BRD10: variants seen among roughly 807,000 people sequenced by gnomAD.
BRD10 encodes uncharacterized bromodomain-containing protein 10.
At chr9:5,893,801 T>C in the BRD10 span, among the ~76,000 whole-genome samples, 1 of 152,168 alleles carries the variant, frequency 6.6e-6, no homozygotes, top group African/African-American at 2.4e-5. Context: ...CTGAAGATGT[T>C]GTGCCATCAC....
the BRD10 span, among the ~76,000 whole-genome samples, chr9:5,960,674 T>C: frequency 6.6e-6 from 1 of 152,204 alleles, no homozygotes; most frequent in African/African-American, 2.4e-5. Flanking sequence ...TTTGTAACTG[T>C]TAATGCGTCT....
chr9:5,905,044 A>AT, the BRD10 span, among the ~76,000 whole-genome samples: 6 of 152,158 alleles, frequency 3.9e-5, no homozygotes, highest in African/African-American at 1.4e-4. Flanking sequence ...AAGTGCTGCG[A>AT]TTACAGGTGT....
At chr9:5,988,449 C>A in the BRD10 span, 1 of 1,613,900 alleles carries the variant, frequency 6.2e-7, no homozygotes, top group Non-Finnish European at 8.5e-7. Context: ...GCGGTGTTGA[C>A]CGACGCCTTG....
the BRD10 span, among the ~76,000 whole-genome samples, chr9:5,938,153 G>A: frequency 6.6e-6 from 1 of 151,986 alleles, no homozygotes; most frequent in Non-Finnish European, 1.5e-5. Flanking sequence ...AAAGGACAGG[G>A]GCTAGCCCAA....
chr9:5,986,915 T>C, the BRD10 span, among the ~76,000 whole-genome samples: 1 of 152,222 alleles, frequency 6.6e-6, no homozygotes, highest in Non-Finnish European at 1.5e-5. Context: ...TTCCCCTACC[T>C]GGACTCACCT....
the BRD10 span, among the ~76,000 whole-genome samples, chr9:5,938,480 A>G: frequency 6.6e-6 from 1 of 152,084 alleles, no homozygotes; most frequent in African/African-American, 2.4e-5. Flanking sequence ...AAATAAATAA[A>G]TATTTTAACC....
chr9:5,996,655 G>A, the BRD10 span, among the ~76,000 whole-genome samples: 19 of 152,200 alleles, frequency 1.2e-4, no homozygotes, highest in East Asian at 2.9e-3. Flanking sequence ...TTAAAAAATC[G>A]TTTTGCTTAG....
At chr9:5,914,059 C>T in the BRD10 span, 1 of 450,836 alleles carries the variant, frequency 2.2e-6, no homozygotes, top group South Asian at 1.6e-5. Context: ...TAAGAGAAAG[C>T]TCACTGAAAT....
the BRD10 span, among the ~76,000 whole-genome samples, chr9:5,901,376 G>C: frequency 6.6e-6 from 1 of 152,180 alleles, no homozygotes; most frequent in Non-Finnish European, 1.5e-5. Flanking sequence ...GCAAACTTGA[G>C]TAAGTTTCCC....
chr9:5,972,869 C>G, the BRD10 span, among the ~76,000 whole-genome samples: 2 of 152,082 alleles, frequency 1.3e-5, no homozygotes, highest in East Asian at 3.8e-4. Context: ...AATGGAGTAT[C>G]TTTAATATAC....
the BRD10 span, among the ~76,000 whole-genome samples, chr9:5,974,921 T>C: frequency 6.6e-6 from 1 of 152,116 alleles, no homozygotes; most frequent in Non-Finnish European, 1.5e-5. Flanking sequence ...TAAAAAATCA[T>C]AAAAGAGTCA....
chr9:5,879,429 G>C, the BRD10 span, among the ~76,000 whole-genome samples: 2 of 152,138 alleles, frequency 1.3e-5, no homozygotes, highest in Non-Finnish European at 2.9e-5. Flanking sequence ...AGCCTGATGG[G>C]AGTTGCAGCC....
At chr9:5,992,116 TTACAC>T in the BRD10 span, among the ~76,000 whole-genome samples, 1 of 152,236 alleles carries the variant, frequency 6.6e-6, no homozygotes, top group Non-Finnish European at 1.5e-5. Flanking sequence ...CTCTCTATTC[TTACAC>T]TAGTTTCTTT....
At chr9:5,959,155 T>C in the BRD10 span, among the ~76,000 whole-genome samples, 4 of 152,176 alleles carry the variant, frequency 2.6e-5, no homozygotes, top group Non-Finnish European at 4.4e-5. Context: ...TCTCTCAAAA[T>C]AGAATTTTCT....
the BRD10 span, among the ~76,000 whole-genome samples, chr9:5,890,068 A>C: frequency 2.0e-5 from 3 of 152,150 alleles, no homozygotes; most frequent in African/African-American, 7.2e-5. Context: ...GATGCTCTCC[A>C]GACCTGTGCC....
At chr9:5,968,538 C>T in the BRD10 span, 10 of 1,613,336 alleles carry the variant, frequency 6.2e-6, no homozygotes, top group Middle Eastern at 1.6e-4. Flanking sequence ...TTGGATTTTA[C>T]TCCCATTTCA....
the BRD10 span, among the ~76,000 whole-genome samples, chr9:5,998,009 ATACTT>A: frequency 6.6e-6 from 1 of 152,344 alleles, no homozygotes; most frequent in Non-Finnish European, 1.5e-5. Flanking sequence ...GATTTAAAAT[ATACTT>A]TAGAAGTAGG....
the BRD10 span, among the ~76,000 whole-genome samples, chr9:5,933,334 T>G: frequency 1.3e-5 from 2 of 152,244 alleles, no homozygotes; most frequent in Admixed American, 6.5e-5. Flanking sequence ...AAGGTCACTT[T>G]ATAAAGGGAC....
chr9:5,945,069 G>A, the BRD10 span: 2 of 472,610 alleles, frequency 4.2e-6, no homozygotes, highest in Non-Finnish European at 7.4e-6. Context: ...ATTTTTCTCT[G>A]TAATAGTAAA....
Sources: allele counts gnomAD v4.1 joint callset (sites outside exome capture counted in the v4.1 genomes callset), GRCh38; gene constraint gnomAD v4.1.1; transcripts MANE v1.5; gene names NCBI Gene and HGNC (gene_info 2026-07-23, HGNC 2026-07-21).